NFATC1: variants seen among roughly 807,000 people sequenced by gnomAD.
The protein encoded by NFATC1 is nuclear factor of activated T-cells, cytoplasmic 1.
A neutral mutation model predicts 76.0 loss-of-function variants in NFATC1; 22 were observed. That is an observed-to-expected ratio of 0.29 (90% CI 0.21 to 0.41). The LOEUF is 0.41. NFATC1 is among the 10% of genes least tolerant of loss of function. The pLI, the probability that NFATC1 is intolerant of heterozygous loss-of-function variation, is 1.00. For missense variants in NFATC1, 1,357 were observed against 1,337.7 expected, an observed-to-expected ratio of 1.01 and a Z score of -0.23; for synonymous variants, 704 against 613.1, an observed-to-expected ratio of 1.15 and a Z score of -2.19.
Position 79,489,136 on chromosome 18 carries a change from C to T in NFATC1, c.2782+2199C>T, listed in dbSNP as rs116378442. Among the ~76,000 whole-genome samples, 536 of 152,372 alleles carry T rather than the reference C, an allele frequency of 3.5e-3. 4 individuals are homozygous for T. Among genetic ancestry groups the T allele is most frequent in the African/African-American group, 0.012 (489 of 41,588 alleles). On this transcript the variant is annotated intron_variant, in intron 9 of 9. Transcript: ENST00000427363. ...CTGGCCTTGGTCCTAGAGGTCAAAG[C>T]TAAGTGAGCCAGGCCTTGCCTTGGG... is the stretch of plus-strand genomic sequence containing the variant.
chr18:79,424,578 C>A (rs1330837419), intron 2 of NFATC1, among the ~76,000 whole-genome samples: 1 of 116,564 alleles, frequency 8.6e-6, no homozygotes, highest in African/African-American at 3.4e-5. Context: ...TCTGTCTCTC[C>A]ATCTCTTTCT....
rs149329949 is a variant in NFATC1, at chr18:79,481,364, G to A, written c.2093-4884G>A. ...TAGAGCCCCACCCTCCACGGACACC[G>A]CCTCCTGCCACCCCTTCAAAAAAGT... On this transcript the variant is annotated intron_variant, in intron 8 of 9. Transcript: ENST00000427363. Among the ~76,000 whole-genome samples the A allele has an allele frequency of 4.6e-3, 693 of 152,288 alleles. 6 individuals are homozygous for A. The highest frequency in any genetic ancestry group is 0.016 in the African/African-American group (658 of 41,566).
rs1435109595 is a variant in NFATC1 at position 79,396,314 on chromosome 18, G to A, written c.90G>A (p.Ala30=). Residue 30 remains alanine (A), a synonymous_variant, in exon 1 of 10, where the codon GCG becomes GCA. Transcript: ENST00000427363. ...GGAGAGGAGAAACTTTGGGGCCCGC[G>A]CCGCGCGCCGGCGGCACCATGAAGT... The part of the protein sequence containing the change: ...VFGRGETLGP[A]PRAGGTMKSA... 2.8e-6 allele frequency: 4 copies of A among 1,421,718 alleles called. No individual in the cohort carries two copies. In the Admixed American group the frequency reaches 7.2e-5, roughly 26 times the overall value. The allele number at this position is 1,421,718 out of a possible 1,614,324, so 88.1% of individuals were successfully genotyped here.
chr18:79,477,097 G>C lies in NFATC1; in HGVS notation c.2093-9151G>C, dbSNP rs1275582459. Among the ~76,000 whole-genome samples the C allele has an allele frequency of 3.3e-5, 5 of 152,218 alleles. No homozygotes were observed. The East Asian group carries it at 7.7e-4, about 23-fold the overall frequency. ...ATCTTGGCTCTGAACAAGGAGAAATGATGCCTCTCAGCCTCGAGGGATGGG... is the reference window on the plus strand; with the variant it reads ...ATCTTGGCTCTGAACAAGGAGAAATCATGCCTCTCAGCCTCGAGGGATGGG... On this transcript the variant is annotated intron_variant, in intron 8 of 9. Coordinates refer to ENST00000427363, the MANE Select transcript of NFATC1 (RefSeq NM_001278669.2).
In NFATC1 at chr18:79,486,297, C is replaced by T. The variant is rs2089492175; in HGVS notation, c.2142C>T (p.Thr714=). The change falls in exon 9 of 10, where the codon ACC becomes ACT. Residue 714 remains threonine, a synonymous_variant. Transcript: ENST00000427363. Reference sequence around the variant, plus strand: ...CTGATGATTATGAGCCTGCTCCAACCTGTGGACCGGTGAGCCAGGGGTTAA... The same window carrying T: ...CTGATGATTATGAGCCTGCTCCAACTTGTGGACCGGTGAGCCAGGGGTTAA... ...EPTDDYEPAP[T]CGPVSQGLSP... is the part of the protein sequence containing the mutation. 1.2e-6 allele frequency: 2 copies of T among 1,613,086 alleles called. No individual in the cohort carries two copies. The highest frequency in any genetic ancestry group is 1.7e-6 in the Non-Finnish European group (2 of 1,179,994).
chr18:79,415,475 G>T (rs376270732), intron 2 of NFATC1, among the ~76,000 whole-genome samples: 5 of 151,318 alleles, frequency 3.3e-5, no homozygotes, highest in East Asian at 2.0e-4. Context: ...GTAGAGATGG[G>T]GTTTCACCAT....
At chr18:79,511,342 C>G (rs1377027031) in intron 9 of NFATC1, among the ~76,000 whole-genome samples, 1 of 152,170 alleles carries the variant, frequency 6.6e-6, no homozygotes, top group Non-Finnish European at 1.5e-5. Context: ...GGGAGTTTGG[C>G]CAGCACCTCG....
At chr18:79,475,000 C>T (rs1406684443) in intron 8 of NFATC1, among the ~76,000 whole-genome samples, 1 of 137,762 alleles carries the variant, frequency 7.3e-6, no homozygotes, top group Non-Finnish European at 1.5e-5. Context: ...TGTTCTCACG[C>T]TCGCTGTCGA....
Position 79,527,585 on chromosome 18 carries a change from A to G in NFATC1, c.*8A>G, listed in dbSNP as rs976010711. 4 of 1,613,302 alleles carry G rather than the reference A, an allele frequency of 2.5e-6. No homozygotes were observed. The highest frequency in any genetic ancestry group is 3.4e-6 in the Non-Finnish European group (4 of 1,179,414). On this transcript the variant is annotated 3_prime_UTR_variant, in exon 10 of 10. Transcript: ENST00000427363. ...ACGAGCACCCACTCCTAGTTGCCAC[A>G]TTGGAGCACTCAGTTCAGCAGGGGT...
At chr18:79,449,344 C>T (rs1247606095) in intron 4 of NFATC1, among the ~76,000 whole-genome samples, 2 of 152,244 alleles carry the variant, frequency 1.3e-5, no homozygotes, top group Non-Finnish European at 2.9e-5. Context: ...ATCTGGATCA[C>T]GTTGACCTTT....
intron 9 of NFATC1, among the ~76,000 whole-genome samples, chr18:79,512,423 CT>C (rs1282684583): frequency 6.6e-6 from 1 of 152,188 alleles, no homozygotes; most frequent in Non-Finnish European, 1.5e-5. Context: ...ACACCCCGAA[CT>C]TTTGCTTTGC....
At chr18:79,452,166 C>T (rs756160936) in intron 6 of NFATC1, 60 of 182,636 alleles carry the variant, frequency 3.3e-4, no homozygotes, top group Non-Finnish European at 5.2e-4. Context: ...AGAGAGTGGA[C>T]GCTTCGGGGG....
At chr18:79,514,899 C>T (rs1350999015) in intron 9 of NFATC1, among the ~76,000 whole-genome samples, 3 of 151,822 alleles carry the variant, frequency 2.0e-5, no homozygotes, top group Admixed American at 1.3e-4. Context: ...TAAAAATTAG[C>T]CAGGCATGGT....
chr18:79,432,339 A>ACACGGAGGTGAGGACG (rs2086619500), intron 2 of NFATC1, among the ~76,000 whole-genome samples: 16 of 83,148 alleles, frequency 1.9e-4, no homozygotes, highest in African/African-American at 3.8e-4. Context: ...TGGTGAGGAC[A>ACACGGAGGTGAGGACG]GTCGGCGGGC....
intron 9 of NFATC1, among the ~76,000 whole-genome samples, chr18:79,513,913 G>C (rs1271024833): frequency 6.6e-6 from 1 of 152,224 alleles, no homozygotes; most frequent in Non-Finnish European, 1.5e-5. Context: ...GTCTCCCTGT[G>C]TGCTAGCCTC....
At chr18:79,491,365 G>A (rs551319091) in intron 9 of NFATC1, among the ~76,000 whole-genome samples, 29 of 152,286 alleles carry the variant, frequency 1.9e-4, no homozygotes, top group East Asian at 1.5e-3. Context: ...AGGTCAAGTC[G>A]GTGCCGTGCG....
chr18:79,470,004 T>C (rs1178864809), intron 8 of NFATC1: 1 of 984,930 alleles, frequency 1.0e-6, no homozygotes, highest in Non-Finnish European at 1.2e-6. Flanking sequence ...AAATAATGAA[T>C]AGAAACCAGC....
rs1436106809 is a variant in NFATC1, at chr18:79,529,058, C to T, written c.*1481C>T. ...AAAGGGCTCCCGCAGAAGGAACGGC[C>T]TGTACCGTGCGCTCCGGCACAATCG... On this transcript the variant is annotated 3_prime_UTR_variant, in exon 10 of 10. Transcript: ENST00000427363. 1 of 152,432 alleles carries T rather than the reference C, an allele frequency of 6.6e-6. No individual in the cohort carries two copies. The highest frequency in any genetic ancestry group is 1.5e-5 in the Non-Finnish European group (1 of 68,050). 9.4% of individuals were successfully genotyped at this position (152,432 alleles called of 1,614,324 possible).
chr18:79,400,760 G>A (rs1211066930), intron 1 of NFATC1, among the ~76,000 whole-genome samples: 1 of 15,074 alleles, frequency 6.6e-5, no homozygotes, highest in African/African-American at 4.1e-4. Context: ...GCCAGAGGCG[G>A]AGAAGCCCCA....
Sources: allele counts gnomAD v4.1 joint callset (sites outside exome capture counted in the v4.1 genomes callset), GRCh38; gene constraint gnomAD v4.1.1; transcripts MANE v1.5; gene names NCBI Gene and HGNC (gene_info 2026-07-23, HGNC 2026-07-21).